Variants in TENM2 observed in about 807,000 individuals in gnomAD.
The protein encoded by TENM2 is teneurin-2.
A neutral mutation model predicts 245.2 loss-of-function variants in TENM2; 52 were observed. The ratio of observed to expected loss-of-function variants is 0.21; its 90% CI spans 0.17 to 0.27. The LOEUF (loss-of-function observed/expected upper bound fraction) is 0.27. TENM2 is among the 10% of genes least tolerant of loss of function. The pLI is 1.00. For missense variants in TENM2, 3,046 were observed against 3,666.8 expected, an observed-to-expected ratio of 0.83 and a Z score of 4.37; for synonymous variants, 1,363 against 1,438.9, an observed-to-expected ratio of 0.95 and a Z score of 1.19.
chr5:168,178,442 A>G (rs1480868870), intron 13 of TENM2, among the ~76,000 whole-genome samples: 2 of 152,156 alleles, frequency 1.3e-5, no homozygotes, highest in Non-Finnish European at 2.9e-5. Context: ...TGGTTTTTGT[A>G]ACAGCAAAGT....
At chr5:168,143,722 G>A (rs1021014196) in intron 12 of TENM2, among the ~76,000 whole-genome samples, 9 of 152,214 alleles carry the variant, frequency 5.9e-5, no homozygotes, top group Admixed American at 6.5e-5. Flanking sequence ...TTCACATACC[G>A]GAAGTGTAGA....
At chr5:167,220,339 G>A in the TENM2 span, among the ~76,000 whole-genome samples, 3 of 152,142 alleles carry the variant, frequency 2.0e-5, no homozygotes, top group Admixed American at 2.0e-4. Flanking sequence ...AGCCAATAGT[G>A]TTAGCCTCTT....
intron 2 of TENM2, among the ~76,000 whole-genome samples, chr5:167,443,900 T>C (rs1030286086): frequency 6.6e-6 from 1 of 152,150 alleles, no homozygotes; most frequent in African/African-American, 2.4e-5. Context: ...TTTAATTTAA[T>C]GGTAAGAAAT....
At chr5:168,234,717 T>TG (rs1765261820) in intron 25 of TENM2, among the ~76,000 whole-genome samples, 1 of 152,170 alleles carries the variant, frequency 6.6e-6, no homozygotes, top group Non-Finnish European at 1.5e-5. Flanking sequence ...ACGGATCTTG[T>TG]GCAGGATGAT....
chr5:167,538,764 G>A (rs1009219122), intron 2 of TENM2, among the ~76,000 whole-genome samples: 1 of 152,190 alleles, frequency 6.6e-6, no homozygotes, highest in African/African-American at 2.4e-5. Context: ...CTTTCTGTGA[G>A]TAGGTAGAAT....
intron 2 of TENM2, among the ~76,000 whole-genome samples, chr5:167,837,093 CA>C (rs1769070745): frequency 6.9e-6 from 1 of 144,664 alleles, no homozygotes; most frequent in Admixed American, 6.8e-5. Flanking sequence ...CACACACACA[CA>C]CACAGAGATA....
At chr5:167,917,713 G>T (rs986621707) in intron 3 of TENM2, among the ~76,000 whole-genome samples, 5 of 152,286 alleles carry the variant, frequency 3.3e-5, no homozygotes, top group African/African-American at 9.6e-5. Flanking sequence ...CAAGTTCATA[G>T]TTGAGTTGGA....
At chr5:168,122,255 C>T (rs1795520008) in intron 10 of TENM2, among the ~76,000 whole-genome samples, 1 of 152,256 alleles carries the variant, frequency 6.6e-6, no homozygotes. Flanking sequence ...CGGCTCACTG[C>T]AAGCTCCGCC....
At chr5:167,824,973 C>T (rs950284783) in intron 2 of TENM2, among the ~76,000 whole-genome samples, 3 of 152,212 alleles carry the variant, frequency 2.0e-5, no homozygotes, top group African/African-American at 7.2e-5. Context: ...CACTAACTTG[C>T]TTCTTATCTG....
intron 5 of TENM2, among the ~76,000 whole-genome samples, chr5:168,014,189 A>G (rs999767922): frequency 2.0e-5 from 3 of 152,228 alleles, no homozygotes; most frequent in African/African-American, 7.2e-5. Context: ...TCTTCTTTAT[A>G]TCTTAATAGT....
At chr5:167,780,457 G>A (rs191399105) in intron 2 of TENM2, among the ~76,000 whole-genome samples, 2 of 152,220 alleles carry the variant, frequency 1.3e-5, no homozygotes, top group East Asian at 3.9e-4. Context: ...GGCCTATTTA[G>A]TGCCATTTTT....
intron 2 of TENM2, among the ~76,000 whole-genome samples, chr5:167,530,813 C>T (rs2127592691): frequency 6.6e-6 from 1 of 152,298 alleles, no homozygotes; most frequent in Non-Finnish European, 1.5e-5. Flanking sequence ...TACTGTTTCC[C>T]TCAAATGTGA....
At chr5:168,051,198 T>C (rs1789056949) in intron 6 of TENM2, among the ~76,000 whole-genome samples, 1 of 152,224 alleles carries the variant, frequency 6.6e-6, no homozygotes, top group Non-Finnish European at 1.5e-5. Context: ...CTATCAAGTA[T>C]AGAATTGCAT....
intron 2 of TENM2, among the ~76,000 whole-genome samples, chr5:167,465,561 G>T (rs1018430434): frequency 6.6e-6 from 1 of 152,202 alleles, no homozygotes; most frequent in Admixed American, 6.5e-5. Context: ...CGGGCGCGGT[G>T]GCTCACGCCT....
intron 12 of TENM2, among the ~76,000 whole-genome samples, chr5:168,146,715 C>G (rs1756116327): frequency 1.3e-5 from 2 of 152,202 alleles, no homozygotes; most frequent in African/African-American, 4.8e-5. Flanking sequence ...GAGGTGAATA[C>G]TGTTAGCATC....
At chr5:167,499,825 T>C (rs1172902832) in intron 2 of TENM2, among the ~76,000 whole-genome samples, 5 of 149,066 alleles carry the variant, frequency 3.4e-5, no homozygotes, top group African/African-American at 1.0e-4. Flanking sequence ...TGTGTGTGTG[T>C]GCATGTGTAT....
chr5:167,161,308 C>T, the TENM2 span, among the ~76,000 whole-genome samples: 2 of 152,172 alleles, frequency 1.3e-5, no homozygotes, highest in Admixed American at 6.5e-5. Context: ...CTCGACTATA[C>T]CCTGCTTCTC....
intron 2 of TENM2, among the ~76,000 whole-genome samples, chr5:167,529,787 T>G (rs183135158): frequency 2.2e-4 from 34 of 152,282 alleles, no homozygotes; most frequent in Non-Finnish European, 4.3e-4. Flanking sequence ...ATTCCTCTTG[T>G]GATGATAGAA....
chr5:167,540,022 C>T (rs1772097027), intron 2 of TENM2, among the ~76,000 whole-genome samples: 1 of 152,120 alleles, frequency 6.6e-6, no homozygotes, highest in Admixed American at 6.6e-5. Flanking sequence ...AAAACAGTGC[C>T]ACTTTAGGTG....
Sources: allele counts gnomAD v4.1 joint callset (sites outside exome capture counted in the v4.1 genomes callset), GRCh38; gene constraint gnomAD v4.1.1; transcripts MANE v1.5; gene names NCBI Gene and HGNC (gene_info 2026-07-23, HGNC 2026-07-21).